The following SLC1A4 variants were observed in gnomAD, a reference collection of about 807,000 sequenced individuals.
The protein encoded by SLC1A4 is solute carrier family 1 member 4, also known as neutral amino acid transporter A.
A neutral mutation model predicts 37.7 loss-of-function variants in SLC1A4; 19 were observed. That is an observed-to-expected ratio of 0.50 (90% confidence interval 0.35 to 0.74). SLC1A4 has a LOEUF of 0.74. Ranked by LOEUF, SLC1A4 falls within the 30% of genes least tolerant of loss-of-function variation. SLC1A4 has a pLI of 0.01. For synonymous variants in SLC1A4, 299 were observed against 309.8 expected, an observed-to-expected ratio of 0.97 and a Z score of 0.37; for missense variants, 570 against 712.9, an observed-to-expected ratio of 0.80 and a Z score of 2.28.
At chr2:65,004,887 C>T (rs1673616664) in intron 3 of SLC1A4, among the ~76,000 whole-genome samples, 1 of 152,130 alleles carries the variant, frequency 6.6e-6, no homozygotes, top group Admixed American at 6.5e-5. Context: ...TTTTGAAATA[C>T]ATGCTAAATA....
Position 65,016,473 on chromosome 2 carries a change from A to G in SLC1A4, c.834A>G (p.Gly278=). 1 of 1,614,166 alleles carries G rather than the reference A, an allele frequency of 6.2e-7. No individual in the cohort carries two copies. The highest frequency in any genetic ancestry group is 8.5e-7 in the Non-Finnish European group (1 of 1,180,022). ...CTGTGGGCATCATGTTCCTTGTTGG[A>G]AGCAAGATCGTGGAAATGAAAGACA... ...YVPVGIMFLV[G]SKIVEMKDII... is the part of the protein sequence containing the mutation. The change falls in exon 5 of 8, where the codon GGA becomes GGG. Residue 278 remains glycine, a synonymous_variant. Coordinates refer to ENST00000234256, the MANE Select transcript of SLC1A4 (RefSeq NM_003038.5).
At chr2:64,988,791 C>T (rs1672903986), upstream of SLC1A4, among the ~76,000 whole-genome samples, 1 of 152,172 alleles carries the variant, frequency 6.6e-6, no homozygotes. Flanking sequence ...GGAGGGGACG[C>T]GACGGCAGGA....
chr2:65,002,942 C>T (rs1673535270), intron 2 of SLC1A4, among the ~76,000 whole-genome samples: 1 of 152,210 alleles, frequency 6.6e-6, no homozygotes, highest in East Asian at 1.9e-4. Flanking sequence ...AATCTGATTG[C>T]TTTTTACAAT....
intron 4 of SLC1A4, among the ~76,000 whole-genome samples, chr2:65,014,399 T>C (rs1674043416): frequency 6.6e-6 from 1 of 152,210 alleles, no homozygotes; most frequent in South Asian, 2.1e-4. Flanking sequence ...GAAAATTTGG[T>C]TTTATCAGGC....
Position 65,021,011 on chromosome 2 carries a change from ACTTGCTG to A in SLC1A4, c.1465_1471del (p.Leu489ArgfsTer2). The A allele has an allele frequency of 6.2e-7, 1 of 1,614,242 alleles. No homozygotes were observed. The highest frequency in any genetic ancestry group is 8.5e-7 in the Non-Finnish European group (1 of 1,180,050). ...AGGCAACAAAGAAAGGCGAGCAGGA[ACTTGCTG>A]AGGTGAAAGTGGAAGCCATCCCCAA... On this transcript the variant is annotated frameshift_variant, in exon 8 of 8. Transcript: ENST00000234256. LOFTEE classifies it high-confidence loss of function.
chr2:64,990,837 AGT>A (rs1673022509), intron 1 of SLC1A4, among the ~76,000 whole-genome samples: 1 of 152,224 alleles, frequency 6.6e-6, no homozygotes, highest in African/African-American at 2.4e-5. Context: ...TTTGTGCGAA[AGT>A]GTGAGTTCTA....
In SLC1A4 at chr2:65,004,133, C is replaced by T. The variant is rs534341299; in HGVS notation, c.633+118C>T. The T allele has an allele frequency of 3.0e-4, 238 of 796,470 alleles. 1 individual carries two copies. Among genetic ancestry groups the T allele is most frequent in the South Asian group, 2.9e-3 (188 of 64,764 alleles). The allele number at this position is 796,470 out of a possible 1,614,324, so 49.3% of individuals were successfully genotyped here. A position where few individuals can be genotyped will look rare whatever the true frequency, so the allele number is the denominator to read the frequency against. On this transcript the variant is annotated intron_variant, in intron 3 of 7. Transcript: ENST00000234256. ...TTGAGGTTTGAATGGGCTATTGGAG[C>T]GAACAGGTTAGGTTTGCTCCTTTGG...
At chr2:65,009,975 A>G (rs1401042819) in intron 3 of SLC1A4, among the ~76,000 whole-genome samples, 2 of 150,970 alleles carry the variant, frequency 1.3e-5, no homozygotes, top group East Asian at 1.9e-4. Flanking sequence ...TCTGTCGCCC[A>G]GGCTGGAGTG....
intron 1 of SLC1A4, among the ~76,000 whole-genome samples, chr2:64,997,178 C>A (rs1296629224): frequency 3.3e-5 from 5 of 152,060 alleles, no homozygotes; most frequent in African/African-American, 1.2e-4. Flanking sequence ...TCACTGCCAC[C>A]AGGAGAGCCC....
intron 3 of SLC1A4, among the ~76,000 whole-genome samples, chr2:65,007,274 G>GTT (rs942249146): frequency 2.0e-3 from 153 of 74,814 alleles, no homozygotes; most frequent in Middle Eastern, 6.4e-3. Flanking sequence ...GTGTGTTTGT[G>GTT]TGTGTGTGTG....
chr2:64,989,072 G>T (rs1040407859), upstream of SLC1A4, among the ~76,000 whole-genome samples: 1 of 152,116 alleles, frequency 6.6e-6, no homozygotes, highest in Non-Finnish European at 1.5e-5. Flanking sequence ...AGCCCGGGCG[G>T]TCCTTCAGCC....
chr2:64,989,446 G>A lies in SLC1A4; in HGVS notation c.-198G>A, dbSNP rs1672950354. 4.7e-6 allele frequency: 2 copies of A among 427,640 alleles called. No individual in the cohort carries two copies. Among genetic ancestry groups the A allele is most frequent in the African/African-American group, 4.1e-5 (2 of 48,410 alleles). The allele number at this position is 427,640 out of a possible 1,614,324, so 26.5% of individuals were successfully genotyped here. A position where few individuals can be genotyped will look rare whatever the true frequency, so the allele number is the denominator to read the frequency against. ...AGGGAGGCTGGGCGCGATCCTCTCC[G>A]CCCGCGGCTCCAACCCGCACTCTGC... On this transcript the variant is annotated 5_prime_UTR_variant, in exon 1 of 8. Transcript: ENST00000234256.
intron 2 of SLC1A4, among the ~76,000 whole-genome samples, chr2:65,003,087 A>T (rs1673540686): frequency 6.6e-6 from 1 of 152,178 alleles, no homozygotes; most frequent in Admixed American, 6.5e-5. Flanking sequence ...GGCTTTTTTT[A>T]GTGCCTGTCA....
At chr2:65,019,017 G>A (rs559410779) in intron 7 of SLC1A4, among the ~76,000 whole-genome samples, 4 of 152,300 alleles carry the variant, frequency 2.6e-5, no homozygotes, top group African/African-American at 7.2e-5. Flanking sequence ...GTAATAAGTC[G>A]ATGGAGCAGT....
Position 65,002,570 on chromosome 2 carries a change from CTTTTTTT to C in SLC1A4, c.570+1099_570+1105del, listed in dbSNP as rs70937394. ...TGCAAGTAACAGTCCTGTGACCATT[CTTTTTTT>C]TTTTTTTTTTTTTTTTTTGAGACAG... On this transcript the variant is annotated intron_variant, in intron 2 of 7. Coordinates refer to ENST00000234256, the MANE Select transcript of SLC1A4 (RefSeq NM_003038.5). Among the ~76,000 whole-genome samples the C allele has an allele frequency of 1.4e-4, 8 of 59,056 alleles. 1 individual carries two copies. The East Asian group carries it at 3.0e-3, about 22-fold the overall frequency. 38.7% of individuals were successfully genotyped at this position (59,056 alleles called of 152,430 possible). A position where few individuals can be genotyped will look rare whatever the true frequency, so the allele number is the denominator to read the frequency against.
intron 4 of SLC1A4, among the ~76,000 whole-genome samples, chr2:65,016,118 C>T (rs1024884220): frequency 2.6e-5 from 4 of 152,204 alleles, no homozygotes; most frequent in East Asian, 1.9e-4. Context: ...GCTTTGATCT[C>T]GATTTCCTTG....
chr2:64,996,419 G>T (rs1212903118), intron 1 of SLC1A4, among the ~76,000 whole-genome samples: 2 of 152,146 alleles, frequency 1.3e-5, no homozygotes, highest in African/African-American at 4.8e-5. Context: ...GGAAATATTT[G>T]CAAACTTGAA....
At chr2:64,994,496 G>T (rs1169965975) in intron 1 of SLC1A4, among the ~76,000 whole-genome samples, 1 of 152,210 alleles carries the variant, frequency 6.6e-6, no homozygotes, top group Non-Finnish European at 1.5e-5. Flanking sequence ...CCATGTATAT[G>T]GTAAATACAA....
intron 3 of SLC1A4, among the ~76,000 whole-genome samples, chr2:65,006,939 G>A (rs1040415302): frequency 6.6e-6 from 1 of 152,120 alleles, no homozygotes; most frequent in African/African-American, 2.4e-5. Context: ...AATCAATCAA[G>A]GACCCAGAGG....
Sources: gnomAD v4.1 joint callset for allele counts (sites outside exome capture counted in the v4.1 genomes callset) on GRCh38, gnomAD v4.1.1 for gene constraint, MANE v1.5 for transcripts, NCBI Gene and HGNC (gene_info 2026-07-23, HGNC 2026-07-21) for gene names.